The following IL1RAPL2 variants were observed in gnomAD, a reference collection of about 807,000 sequenced individuals.
IL1RAPL2 encodes interleukin 1 receptor accessory protein like 2, also known as X-linked interleukin-1 receptor accessory protein-like 2.
Under a neutral mutation model 44.1 loss-of-function variants are expected in IL1RAPL2, and 3 were observed. The ratio of observed to expected loss-of-function variants is 0.07; its 90% confidence interval spans 0.03 to 0.18. The LOEUF (loss-of-function observed/expected upper bound fraction) is 0.18. Among genes scored for constraint, IL1RAPL2 ranks in the 10% least tolerant of loss-of-function variants. The probability of loss-of-function intolerance (pLI) is 1.00; values close to 1 mark genes in which losing one functional copy is unlikely to be tolerated. For missense variants in IL1RAPL2, 391 were observed against 496.4 expected (o/e 0.79, Z 2.02); for synonymous variants, 181 against 178.8 (o/e 1.01, Z -0.10).
intron 2 of IL1RAPL2, among the ~76,000 whole-genome samples, chrX:104,794,435 T>G (rs1374294956): frequency 9.0e-6 from 1 of 110,673 alleles, no homozygotes; most frequent in Non-Finnish European, 1.9e-5. Flanking sequence ...ACCAGTTTGG[T>G]GGTTAATTAG....
intron 5 of IL1RAPL2, among the ~76,000 whole-genome samples, chrX:105,442,089 T>G (rs1452510886): frequency 9.1e-6 from 1 of 110,435 alleles, no homozygotes. Flanking sequence ...CTCACTCTGT[T>G]GCCCAGGCTG....
At chrX:105,309,216 T>C (rs986639955) in intron 5 of IL1RAPL2, among the ~76,000 whole-genome samples, 2 of 106,919 alleles carry the variant, frequency 1.9e-5, no homozygotes, top group Non-Finnish European at 3.9e-5. Flanking sequence ...TTTGTATTTC[T>C]AGTAGAGATG....
intron 2 of IL1RAPL2, among the ~76,000 whole-genome samples, chrX:104,966,595 G>A: frequency 8.9e-6 from 1 of 111,903 alleles, no homozygotes; most frequent in Non-Finnish European, 1.9e-5. Flanking sequence ...AATACATGAA[G>A]TAAAAACTGA....
chrX:105,379,986 G>T (rs2035417655), intron 5 of IL1RAPL2, among the ~76,000 whole-genome samples: 1 of 111,551 alleles, frequency 9.0e-6, no homozygotes, highest in South Asian at 3.7e-4. Flanking sequence ...ATCTGTGAAG[G>T]TAATAATGAG....
At chrX:105,352,159 A>G (rs1051845427) in intron 5 of IL1RAPL2, among the ~76,000 whole-genome samples, 3 of 111,308 alleles carry the variant, frequency 2.7e-5, no homozygotes, top group African/African-American at 9.8e-5. Flanking sequence ...CAAAATCCTG[A>G]CCTCAAGAGA....
At chrX:104,924,820 C>CT (rs1377004946) in intron 2 of IL1RAPL2, among the ~76,000 whole-genome samples, 1 of 110,941 alleles carries the variant, frequency 9.0e-6, no homozygotes, top group African/African-American at 3.3e-5. Flanking sequence ...AAACCCAAAG[C>CT]TAGCAGAAGC....
intron 2 of IL1RAPL2, among the ~76,000 whole-genome samples, chrX:105,154,551 T>C (rs143145832): frequency 9.0e-6 from 1 of 111,173 alleles, no homozygotes; most frequent in East Asian, 2.8e-4. Context: ...ATGGCTTTGG[T>C]CTTTAATAGT....
intron 1 of IL1RAPL2, among the ~76,000 whole-genome samples, chrX:104,651,758 A>G (rs752566293): frequency 7.2e-5 from 8 of 111,531 alleles, no homozygotes; most frequent in Non-Finnish European, 5.7e-5. Flanking sequence ...GGGGGGTAAG[A>G]CAGAGGAGCT....
At chrX:105,143,654 A>C (rs2033148525) in intron 2 of IL1RAPL2, among the ~76,000 whole-genome samples, 1 of 112,509 alleles carries the variant, frequency 8.9e-6, no homozygotes, top group South Asian at 3.7e-4. Context: ...ACGTATGTTT[A>C]TTGCAGCACT....
At chrX:105,215,624 T>C (rs2033851269) in intron 3 of IL1RAPL2, among the ~76,000 whole-genome samples, 1 of 111,638 alleles carries the variant, frequency 9.0e-6, no homozygotes, top group African/African-American at 3.3e-5. Flanking sequence ...GGCAGCATCA[T>C]CCTGATACCA....
At chrX:104,791,176 T>TTGCCCTGCCCTTCCCTTCCC (rs1555992719) in intron 2 of IL1RAPL2, among the ~76,000 whole-genome samples, 1 of 108,602 alleles carries the variant, frequency 9.2e-6, no homozygotes, top group Non-Finnish European at 1.9e-5. Context: ...CTGCCCTGCC[T>TTGCCCTGCCCTTCCCTTCCC]TGCCCTGCCC....
At chrX:104,638,034 T>C (rs1225453852) in intron 1 of IL1RAPL2, among the ~76,000 whole-genome samples, 1 of 111,383 alleles carries the variant, frequency 9.0e-6, no homozygotes, top group Non-Finnish European at 1.9e-5. Flanking sequence ...ACTGATTCAA[T>C]CTCATTACCC....
At chrX:104,571,443 C>T (rs1192518516) in intron 1 of IL1RAPL2, among the ~76,000 whole-genome samples, 2 of 111,615 alleles carry the variant, frequency 1.8e-5, no homozygotes, top group East Asian at 2.8e-4. Context: ...ATAGTCCCCA[C>T]GTATCAAGGA....
At chrX:105,039,985 T>C (rs1227751841) in intron 2 of IL1RAPL2, among the ~76,000 whole-genome samples, 2 of 110,626 alleles carry the variant, frequency 1.8e-5, no homozygotes, top group African/African-American at 6.6e-5. Context: ...GCTTCCAGTT[T>C]TTGCCCATTC....
intron 3 of IL1RAPL2, among the ~76,000 whole-genome samples, chrX:105,207,728 C>T (rs1257298916): frequency 8.9e-6 from 1 of 111,832 alleles, no homozygotes; most frequent in Non-Finnish European, 1.9e-5. Flanking sequence ...CCCATTACTC[C>T]TATTCTGCAC....
chrX:105,129,075 A>G (rs978748883), intron 2 of IL1RAPL2, among the ~76,000 whole-genome samples: 1 of 111,324 alleles, frequency 9.0e-6, no homozygotes, highest in Non-Finnish European at 1.9e-5. Flanking sequence ...TTTAGTCTCT[A>G]ATAACTTATG....
chrX:105,616,752 CTT>C (rs1213051547), intron 6 of IL1RAPL2, among the ~76,000 whole-genome samples: 1 of 110,730 alleles, frequency 9.0e-6, no homozygotes, highest in African/African-American at 3.3e-5. Context: ...ACAATATTGT[CTT>C]TTGAATAATA....
chrX:105,011,644 G>A lies in IL1RAPL2; in HGVS notation c.83-183831G>A, dbSNP rs182692476. On this transcript the variant is annotated intron_variant, in intron 2 of 10. Transcript: ENST00000372582. ...AATGTGTAGCATGAATCAGTACTTC[G>A]TTCCTTTTTATAGTTGAATAATATT... Among the ~76,000 whole-genome samples the A allele has an allele frequency of 3.8e-3, 426 of 111,137 alleles. 1 individual carries two copies. The highest frequency in any genetic ancestry group is 0.012 in the African/African-American group (383 of 30,708).
rs781960013 is a variant in IL1RAPL2, at chrX:105,223,415, TC to T, written c.357-10398del. Reference sequence around the variant, plus strand: ...GCTACCATTGGTGATTTTATAGTTGTCCCCCTTACTCCTTTGTGTTCTTGTC... The same window carrying T: ...GCTACCATTGGTGATTTTATAGTTGTCCCCTTACTCCTTTGTGTTCTTGTC... On this transcript the variant is annotated intron_variant, in intron 3 of 10. Coordinates refer to ENST00000372582, the MANE Select transcript of IL1RAPL2 (RefSeq NM_017416.2). 1.1e-3 allele frequency among the ~76,000 whole-genome samples: 128 copies of T among 111,367 alleles called. 2 individuals are homozygous for T. Among genetic ancestry groups the T allele is most frequent in the African/African-American group, 3.6e-3 (111 of 30,642 alleles).
Sources: allele counts gnomAD v4.1 joint callset (sites outside exome capture counted in the v4.1 genomes callset), GRCh38; gene constraint gnomAD v4.1.1; transcripts MANE v1.5; gene names NCBI Gene and HGNC (gene_info 2026-07-23, HGNC 2026-07-21).